The following RBFOX1 variants were observed in gnomAD, a reference collection of about 807,000 sequenced individuals.
RBFOX1 encodes the protein RNA binding fox-1 homolog 1.
In RBFOX1, 8 loss-of-function variants were observed where a neutral mutation model predicts 57.7. The observed-to-expected ratio is 0.14, with a 90% CI of 0.08 to 0.25. The LOEUF is 0.25. Among genes scored for constraint, RBFOX1 ranks in the 10% least tolerant of loss-of-function variants. The probability of loss-of-function intolerance (pLI) is 1.00; values close to 1 mark genes in which losing one functional copy is unlikely to be tolerated. For missense variants in RBFOX1, 611 were observed against 548.5 expected (o/e 1.11, Z -1.14); for synonymous variants, 326 against 222.4 (o/e 1.47, Z -4.15).
intron 4 of RBFOX1, among the ~76,000 whole-genome samples, chr16:7,219,687 GCT>G (rs2092571861): frequency 6.6e-6 from 1 of 152,160 alleles, no homozygotes; most frequent in Non-Finnish European, 1.5e-5. Context: ...ATAGATCCCT[GCT>G]CTGAGTACAC....
At chr16:6,534,255 G>A (rs185113677) in intron 2 of RBFOX1, among the ~76,000 whole-genome samples, 2 of 151,442 alleles carry the variant, frequency 1.3e-5, no homozygotes, top group Non-Finnish European at 3.0e-5. Flanking sequence ...ACATCAGTGT[G>A]TATGTGTGTG....
intron 4 of RBFOX1, among the ~76,000 whole-genome samples, chr16:7,246,196 G>A (rs2094291454): frequency 1.3e-5 from 2 of 152,116 alleles, no homozygotes; most frequent in Admixed American, 1.3e-4. Flanking sequence ...AGGGAAGTTA[G>A]GACTGCTTTC....
At chr16:7,686,692 T>A (rs2076137327) in intron 14 of RBFOX1, among the ~76,000 whole-genome samples, 1 of 152,082 alleles carries the variant, frequency 6.6e-6, no homozygotes, top group Non-Finnish European at 1.5e-5. Flanking sequence ...TTTTTCCAAA[T>A]GAAGAAACTG....
intron 3 of RBFOX1, among the ~76,000 whole-genome samples, chr16:6,960,763 G>C (rs1345612214): frequency 6.6e-6 from 1 of 151,876 alleles, no homozygotes; most frequent in Admixed American, 6.6e-5. Flanking sequence ...CAGACTTTGA[G>C]CTCTTCAATC....
At chr16:7,502,425 A>T (rs990308547) in intron 4 of RBFOX1, among the ~76,000 whole-genome samples, 12 of 152,148 alleles carry the variant, frequency 7.9e-5, no homozygotes, top group African/African-American at 2.4e-4. Context: ...TTTATAAACA[A>T]TGTAGGGGTG....
intron 4 of RBFOX1, among the ~76,000 whole-genome samples, chr16:7,266,429 C>T (rs997753246): frequency 6.6e-5 from 10 of 152,186 alleles, no homozygotes; most frequent in African/African-American, 9.6e-5. Context: ...CAGATGCCTG[C>T]GCCATGTTTG....
chr16:5,996,412 T>G (rs2060491382), intron 4 of RBFOX1, among the ~76,000 whole-genome samples: 1 of 151,782 alleles, frequency 6.6e-6, no homozygotes, highest in South Asian at 2.1e-4. Context: ...AGAACTGGCT[T>G]TGCAATCTGG....
intron 4 of RBFOX1, among the ~76,000 whole-genome samples, chr16:7,053,501 C>A (rs925259096): frequency 6.6e-6 from 1 of 152,132 alleles, no homozygotes; most frequent in African/African-American, 2.4e-5. Flanking sequence ...TAGGTCAGAG[C>A]TAGATAAAGA....
chr16:5,410,012 C>A (rs964573751), intron 1 of RBFOX1, among the ~76,000 whole-genome samples: 1 of 149,484 alleles, frequency 6.7e-6, no homozygotes, highest in Non-Finnish European at 1.5e-5. Context: ...CACGCCAGTG[C>A]ACTTCAGCCT....
intron 3 of RBFOX1, among the ~76,000 whole-genome samples, chr16:6,978,170 G>T (rs2087631651): frequency 6.6e-6 from 1 of 152,082 alleles, no homozygotes; most frequent in African/African-American, 2.4e-5. Context: ...ATACGGCAGT[G>T]GAGGTAATTA....
Position 6,997,106 on chromosome 16 carries a change from T to A in RBFOX1, c.-15-54951T>A, listed in dbSNP as rs1301596829. Among the ~76,000 whole-genome samples, 4 of 152,284 alleles carry A rather than the reference T, an allele frequency of 2.6e-5. No homozygotes were observed. In the East Asian group the frequency reaches 7.7e-4, roughly 29 times the overall value. On this transcript the variant is annotated intron_variant, in intron 3 of 15. Coordinates refer to ENST00000550418, the MANE Select transcript of RBFOX1 (RefSeq NM_018723.4). ...AGGAAGTACCTTTTGTTGTGTTGAC[T>A]GTGTTTTGCCCCCAAACTTACAACT...
chr16:5,438,999 G>T (rs796778594), intron 1 of RBFOX1, among the ~76,000 whole-genome samples: 1 of 144,970 alleles, frequency 6.9e-6, no homozygotes, highest in East Asian at 2.2e-4. Context: ...ACTGCATATT[G>T]TGAAGGAAAC....
chr16:6,917,971 G>C (rs960581058), intron 3 of RBFOX1, among the ~76,000 whole-genome samples: 2 of 152,074 alleles, frequency 1.3e-5, no homozygotes, highest in African/African-American at 2.4e-5. Flanking sequence ...CTACAGGAGA[G>C]CCACTTACGA....
At chr16:6,105,684 A>AT (rs1567467658) in intron 1 of RBFOX1, among the ~76,000 whole-genome samples, 10 of 150,160 alleles carry the variant, frequency 6.7e-5, no homozygotes, top group African/African-American at 2.0e-4. Context: ...AGTAGAAAAA[A>AT]AATATATATA....
intron 4 of RBFOX1, among the ~76,000 whole-genome samples, chr16:7,393,211 A>G (rs142178142): frequency 1.4e-3 from 209 of 152,184 alleles, no homozygotes; most frequent in African/African-American, 6.7e-4. Context: ...CATATAGTCA[A>G]TGGTTCTGAG....
intron 2 of RBFOX1, among the ~76,000 whole-genome samples, chr16:6,488,230 T>A (rs2153120336): frequency 6.6e-6 from 1 of 152,318 alleles, no homozygotes. Flanking sequence ...TGTATTTCTT[T>A]GTTGTTTAGT....
intron 1 of RBFOX1, among the ~76,000 whole-genome samples, chr16:5,336,228 G>T (rs1173909279): frequency 6.6e-6 from 1 of 152,120 alleles, no homozygotes; most frequent in Non-Finnish European, 1.5e-5. Context: ...AAGGGGGATG[G>T]CACTGAGACC....
At chr16:6,790,854 T>C (rs2082802676) in intron 3 of RBFOX1, among the ~76,000 whole-genome samples, 1 of 152,142 alleles carries the variant, frequency 6.6e-6, no homozygotes, top group African/African-American at 2.4e-5. Context: ...TAGTTTTGTG[T>C]GTGTCACCAA....
intron 3 of RBFOX1, among the ~76,000 whole-genome samples, chr16:5,788,241 C>G (rs919787517): frequency 2.0e-5 from 3 of 152,170 alleles, no homozygotes; most frequent in Non-Finnish European, 2.9e-5. Context: ...GAAATGACAG[C>G]ATATGTCACC....
Sources: allele counts gnomAD v4.1 joint callset (sites outside exome capture counted in the v4.1 genomes callset), GRCh38; gene constraint gnomAD v4.1.1; transcripts MANE v1.5; gene names NCBI Gene and HGNC (gene_info 2026-07-23, HGNC 2026-07-21).